Variants in BORA observed in about 807,000 individuals in gnomAD.
BORA encodes the protein protein aurora borealis.
Under a neutral mutation model 55.8 loss-of-function variants are expected in BORA, and 26 were observed. The observed-to-expected ratio is 0.47, with a 90% confidence interval of 0.34 to 0.65. The LOEUF is 0.65. Among genes scored for constraint, BORA ranks in the 30% least tolerant of loss-of-function variants. The pLI is 0.01. For synonymous variants in BORA, 201 were observed against 216.9 expected (o/e 0.93, Z 0.64); for missense variants, 568 against 671.5 (o/e 0.85, Z 1.70).
intron 5 of BORA, among the ~76,000 whole-genome samples, chr13:72,740,892 T>A (rs796958060): frequency 6.6e-5 from 10 of 152,342 alleles, no homozygotes; most frequent in African/African-American, 2.4e-4. Context: ...ACTTAGCTTT[T>A]CTGTGCCTCA....
rs2033347187 is a variant in BORA at position 72,753,728 on chromosome 13, T to A, written c.1521T>A (p.Asn507Lys). 1 of 1,613,528 alleles carries A rather than the reference T, an allele frequency of 6.2e-7. No individual in the cohort carries two copies. Among genetic ancestry groups the A allele is most frequent in the Non-Finnish European group, 8.5e-7 (1 of 1,179,724 alleles). ...SGYNTQNCGS[N>K]IMDTVGAESY... ...ATAATACGCAGAATTGTGGAAGCAA[T>A]ATTATGGATACAGTTGGGGCAGAAA... Residue 507 changes from asparagine to lysine, a missense_variant, in exon 11 of 12, where the codon AAT (asparagine) becomes AAA (lysine). Transcript: ENST00000390667.
At chr13:72,745,325 G>C in intron 8 of BORA, 118 bp downstream of exon 8, 1 of 807,162 alleles carries the variant, frequency 1.2e-6, no homozygotes, top group Non-Finnish European at 1.9e-6. Flanking sequence ...TCTGTCTCTA[G>C]TAAATAAGTG....
chr13:72,734,854 G>T, intron 3 of BORA, 106 bp from the exon 4 acceptor site: 1 of 746,328 alleles, frequency 1.3e-6, no homozygotes, highest in Non-Finnish European at 2.2e-6. Flanking sequence ...CTTAACATTT[G>T]CCAGTTTTCA....
At chr13:72,739,624 GTC>G (rs2032997129) in intron 5 of BORA, among the ~76,000 whole-genome samples, 2 of 152,186 alleles carry the variant, frequency 1.3e-5, no homozygotes, top group African/African-American at 2.4e-5. Flanking sequence ...TTTGTTTGCA[GTC>G]TCTCTTAAAA....
intron 2 of BORA, among the ~76,000 whole-genome samples, chr13:72,729,884 T>G (rs189190574): frequency 1.3e-5 from 2 of 152,154 alleles, no homozygotes. Flanking sequence ...ATAGGTGATA[T>G]GATTAGTACT....
intron 2 of BORA, among the ~76,000 whole-genome samples, chr13:72,730,379 G>A (rs537440534): frequency 6.6e-6 from 1 of 152,282 alleles, no homozygotes; most frequent in South Asian, 2.1e-4. Flanking sequence ...AATCCTCAAA[G>A]TTGGAATGTA....
At chr13:72,734,850 A>G (rs2032886255) in intron 3 of BORA, 110 bp from the exon 4 acceptor site, 2 of 729,298 alleles carry the variant, frequency 2.7e-6, no homozygotes, top group South Asian at 4.0e-5. Context: ...TGAGCTTAAC[A>G]TTTGCCAGTT....
rs376334943 is a variant in BORA, at chr13:72,746,683, C to G, written c.1054C>G (p.Pro352Ala). The part of the protein sequence containing the change: ...TQYRTSVIQI[P>A]FTLETQGEDE... ...GTATCGGACCTCAGTGATTCAGATA[C>G]CTTTTACTCTTGAGACTCAAGGTGA... The change falls in exon 10 of 12, where the codon CCT becomes GCT. Residue 352 changes from proline to alanine, a missense_variant. Pro to Ala is a conservative substitution (Grantham distance 27, BLOSUM62 -1). Transcript: ENST00000390667. The G allele has an allele frequency of 6.2e-7, 1 of 1,614,076 alleles. No individual in the cohort carries two copies.
chr13:72,741,832 A>C (rs1329600030), intron 5 of BORA, among the ~76,000 whole-genome samples: 1 of 152,176 alleles, frequency 6.6e-6, no homozygotes, highest in Non-Finnish European at 1.5e-5. Flanking sequence ...GCAGGGGAGA[A>C]AAGGCAGGGA....
chr13:72,727,988 G>T lies in BORA; in HGVS notation c.-35G>T. ...GAGCTCCCTGGAGTCGGTACTGGGG[G>T]CTTCGTTTTGTACGCACCGGTAGGT... On this transcript the variant is annotated 5_prime_UTR_variant, in exon 1 of 12. Coordinates refer to ENST00000390667, the MANE Select transcript of BORA (RefSeq NM_024808.5). The T allele has an allele frequency of 6.5e-7, 1 of 1,547,266 alleles. No homozygotes were observed. Among genetic ancestry groups the T allele is most frequent in the Non-Finnish European group, 8.7e-7 (1 of 1,146,188 alleles).
chr13:72,736,482 C>T (rs989164209), intron 4 of BORA, among the ~76,000 whole-genome samples: 2 of 152,056 alleles, frequency 1.3e-5, no homozygotes. Context: ...ATACTATTAT[C>T]GTTCTCATAC....
At chr13:72,728,153 A>T (rs1286987188) in intron 1 of BORA, 146 bp downstream of exon 1, 2 of 1,144,514 alleles carry the variant, frequency 1.7e-6, no homozygotes, top group Non-Finnish European at 1.3e-6. Flanking sequence ...CACCAGAAAG[A>T]GTGGCCACGT....
At chr13:72,737,866 T>A in intron 4 of BORA, 96 bp from the exon 5 acceptor site, 1 of 629,960 alleles carries the variant, frequency 1.6e-6, no homozygotes, top group Non-Finnish European at 2.6e-6. Flanking sequence ...ATAAAGTTAG[T>A]ATATGACATG....
At chr13:72,751,018 C>T (rs2033261134) in intron 10 of BORA, among the ~76,000 whole-genome samples, 1 of 152,158 alleles carries the variant, frequency 6.6e-6, no homozygotes. Flanking sequence ...TATAGCCCAG[C>T]TCTGTTAGCT....
intron 10 of BORA, among the ~76,000 whole-genome samples, chr13:72,749,655 G>C (rs1407984336): frequency 6.6e-6 from 1 of 151,856 alleles, no homozygotes; most frequent in East Asian, 1.9e-4. Context: ...TGGCAAGGCT[G>C]GTCTTTCTAC....
chr13:72,753,402 G>T, intron 10 of BORA: 1 of 231,882 alleles, frequency 4.3e-6, no homozygotes, highest in Non-Finnish European at 8.3e-6. Flanking sequence ...TACTAGGTAC[G>T]ATCACAAAAT....
Position 72,753,675 on chromosome 13 carries a change from T to C in BORA, c.1483-15T>C. On this transcript the variant is annotated splice_polypyrimidine_tract_variant and intron_variant, in intron 10 of 11. Transcript: ENST00000390667. ...AGTTCCTCACAATATATTTTTTTCT[T>C]TTTTCTCCTGTCAGATGGATAGTGG... The C allele has an allele frequency of 6.2e-7, 1 of 1,600,522 alleles. No individual in the cohort carries two copies. The highest frequency in any genetic ancestry group is 8.5e-7 in the Non-Finnish European group (1 of 1,175,052).
intron 5 of BORA, 52 bp from the exon 6 acceptor site, chr13:72,743,485 A>T: frequency 7.6e-7 from 1 of 1,316,160 alleles, no homozygotes; most frequent in Non-Finnish European, 1.0e-6. Context: ...AGTAATGCTA[A>T]AGCAAATGAA....
At chr13:72,748,882 G>T (rs1413816089) in intron 10 of BORA, among the ~76,000 whole-genome samples, 2 of 152,138 alleles carry the variant, frequency 1.3e-5, no homozygotes, top group African/African-American at 4.8e-5. Flanking sequence ...CTACTAACTT[G>T]TCAAACTATC....
Sources: allele counts gnomAD v4.1 joint callset (sites outside exome capture counted in the v4.1 genomes callset), GRCh38; gene constraint gnomAD v4.1.1; transcripts MANE v1.5; gene names NCBI Gene and HGNC (gene_info 2026-07-23, HGNC 2026-07-21).